Variants in GPSM1 observed in about 807,000 individuals in gnomAD.
GPSM1 encodes G protein-signaling modulator 1.
Under a neutral mutation model 70.5 loss-of-function variants are expected in GPSM1, and 48 were observed. The ratio of observed to expected loss-of-function variants is 0.68; its 90% CI spans 0.54 to 0.87. GPSM1 has a LOEUF of 0.87. Among genes scored for constraint, GPSM1 ranks in the 40% least tolerant of loss-of-function variants. The pLI is 0.00. For missense variants in GPSM1, 981 were observed against 972.6 expected (o/e 1.01, Z -0.11); for synonymous variants, 416 against 430.1 (o/e 0.97, Z 0.41).
At chr9:136,353,230 G>T in intron 11 of GPSM1, 1 of 431,350 alleles carries the variant, frequency 2.3e-6, no homozygotes, top group Non-Finnish European at 3.1e-6. Flanking sequence ...GCCGGGTGGG[G>T]TGGTCTTGGG....
At chr9:136,338,968 T>C (rs1408539253) in intron 7 of GPSM1, among the ~76,000 whole-genome samples, 2 of 152,158 alleles carry the variant, frequency 1.3e-5, no homozygotes, top group African/African-American at 4.8e-5. Context: ...CATGTATGTA[T>C]GTAAATATCA....
At chr9:136,352,193 C>T (rs1554772253) in intron 11 of GPSM1, among the ~76,000 whole-genome samples, 1 of 74,762 alleles carries the variant, frequency 1.3e-5, no homozygotes, top group African/African-American at 5.6e-5. Flanking sequence ...CTGTTGGTGA[C>T]ACCGATGCTG....
intron 11 of GPSM1, 141 bp downstream of exon 11, chr9:136,349,904 C>G (rs1231694653): frequency 1.2e-5 from 9 of 756,404 alleles, no homozygotes; most frequent in Non-Finnish European, 1.9e-5. Flanking sequence ...GCACCTGGTG[C>G]AGTGCTGTCC....
intron 6 of GPSM1, among the ~76,000 whole-genome samples, 184 bp from the exon 7 acceptor site, chr9:136,338,371 G>A (rs906574395): frequency 3.3e-5 from 5 of 152,262 alleles, no homozygotes; most frequent in Admixed American, 2.0e-4. Flanking sequence ...AGGACCCCCC[G>A]TCCCCCTGGG....
At position 136,341,229 on chromosome 9, in the gene GPSM1, G is replaced by A; in HGVS notation, c.1207+236G>A. The A allele has an allele frequency of 2.6e-6, 4 of 1,517,820 alleles. No homozygotes were observed. Among genetic ancestry groups the A allele is most frequent in the Non-Finnish European group, 3.5e-6 (4 of 1,129,570 alleles). 94.0% of individuals were successfully genotyped at this position (1,517,820 alleles called of 1,614,324 possible). ...CAGGGCTGCTGGATGAAGGACAGGA[G>A]GTGGTCGCCTGTTGCCCCACTGGCT... On this transcript the variant is annotated intron_variant, in intron 9 of 13. Coordinates refer to ENST00000440944, the MANE Select transcript of GPSM1 (RefSeq NM_001145638.3). The surrounding 1 kb of genome is among the most constrained non-coding windows in gnomAD (Gnocchi z 6.7).
rs569509060 is a variant in GPSM1, at chr9:136,329,069, A to T, written c.68+1306A>T. Among the ~76,000 whole-genome samples the T allele has an allele frequency of 2.1e-4, 32 of 152,230 alleles. No homozygotes were observed. The South Asian group carries it at 6.2e-3, about 30-fold the overall frequency. On this transcript the variant is annotated intron_variant, in intron 1 of 13. Transcript: ENST00000440944. ...GTGAGGCCTGCACAGCTGACCATAG[A>T]GTTGGGCATTCTCCAGGCTACAGCT...
At position 136,349,719 on chromosome 9, in the gene GPSM1, T is replaced by C. The variant is rs781887704; in HGVS notation, c.1411T>C (p.Ser471Pro). The C allele has an allele frequency of 2.5e-6, 4 of 1,576,218 alleles. No homozygotes were observed. In the East Asian group the frequency reaches 9.2e-5, roughly 36 times the overall value. The change falls in exon 11 of 14, where the codon TCC (serine) becomes CCC (proline). Residue 471 changes from serine to proline, a missense_variant. Transcript: ENST00000440944. ...GAGGAGGCCCCGGGAGGGCAGCCACTCCCCGCTGGACAGCGCCGACGTCCG... is the reference window on the plus strand; with the variant it reads ...GAGGAGGCCCCGGGAGGGCAGCCACCCCCCGCTGGACAGCGCCGACGTCCG... ...AERRPREGSHSPLDSADVRVH... is the reference protein window; with the variant it reads ...AERRPREGSHPPLDSADVRVH...
At chr9:136,332,311 G>A (rs1370343082) in intron 1 of GPSM1, 4 of 397,502 alleles carry the variant, frequency 1.0e-5, no homozygotes, top group Non-Finnish European at 1.3e-5. Flanking sequence ...CCAGATTGGA[G>A]GTGCAGAATG....
rs527873669 is a variant in GPSM1 at position 136,334,780 on chromosome 9, G to A, written c.290+112G>A. 19 of 842,440 alleles carry A rather than the reference G, an allele frequency of 2.3e-5. No homozygotes were observed. In the African/African-American group the frequency reaches 3.3e-4, roughly 15 times the overall value. The allele number at this position is 842,440 out of a possible 1,614,324, so 52.2% of individuals were successfully genotyped here. On this transcript the variant is annotated intron_variant, in intron 2 of 13. Coordinates refer to ENST00000440944, the MANE Select transcript of GPSM1 (RefSeq NM_001145638.3). ...GGCGGCCCTGCTGGCGCGGTGAGTG[G>A]GGACAGCCCTGCTGGTGGGTGAGTG...
rs568796176 is a variant in GPSM1, at chr9:136,332,238, G to A, written c.69-2209G>A. The A allele has an allele frequency of 5.3e-4, 213 of 398,704 alleles. 1 individual carries two copies. The highest frequency in any genetic ancestry group is 4.0e-3 in the African/African-American group (197 of 48,756). 24.7% of individuals were successfully genotyped at this position (398,704 alleles called of 1,614,324 possible). The stretch of plus-strand genomic sequence containing the variant: ...CCAGGGCGTGGTTGGAGGCTGTCTT[G>A]GGATGAGTGGAGGGGACACCCACCT... On this transcript the variant is annotated intron_variant, in intron 1 of 13. Coordinates refer to ENST00000440944, the MANE Select transcript of GPSM1 (RefSeq NM_001145638.3).
In GPSM1 at chr9:136,350,870, G is replaced by T. The variant is rs528515102; in HGVS notation, c.1455+1107G>T. On this transcript the variant is annotated intron_variant, in intron 11 of 13. Coordinates refer to ENST00000440944, the MANE Select transcript of GPSM1 (RefSeq NM_001145638.3). ...CAAGTGTATGGGTGGACGGACGGGG[G>T]ACAGACAGACTGGTGGTCAGACTCG... 4.6e-5 allele frequency among the ~76,000 whole-genome samples: 7 copies of T among 152,256 alleles called. No individual in the cohort carries two copies. In the East Asian group the frequency reaches 1.4e-3, roughly 30 times the overall value.
chr9:136,355,829 C>G lies in GPSM1; in HGVS notation c.1595C>G (p.Thr532Ser), dbSNP rs139070555. 8 of 1,609,910 alleles carry G rather than the reference C, an allele frequency of 5.0e-6. No homozygotes were observed. In the South Asian group the frequency reaches 8.8e-5, roughly 18 times the overall value. Residue 532 changes from threonine (T) to serine (S), a missense_variant, in exon 12 of 14, where the codon ACC becomes AGC. Transcript: ENST00000440944. ...GCTGCCGAGGCCACGGCCGCCCCCACCCTGGAGGACAGGATCGGTGAGTGC... is the reference window on the plus strand; with the variant it reads ...GCTGCCGAGGCCACGGCCGCCCCCAGCCTGGAGGACAGGATCGGTGAGTGC... ...AGAAEATAAP[T>S]LEDRIAQPSM...
In GPSM1 at chr9:136,342,819, C is replaced by T. The variant is rs910776310; in HGVS notation, c.1207+1826C>T. ...TGGCCGTGCGGAGGGGGCGCCAGGG[C>T]TGGGGGCACAGGAGGGCGCTGCCCA... is the stretch of plus-strand genomic sequence containing the variant. On this transcript the variant is annotated intron_variant, in intron 9 of 13. Coordinates refer to ENST00000440944, the MANE Select transcript of GPSM1 (RefSeq NM_001145638.3). This position sits in a 1 kb window ranked among gnomAD's most constrained non-coding sequence, Gnocchi z 5.5. Among the ~76,000 whole-genome samples the T allele has an allele frequency of 3.3e-5, 5 of 151,980 alleles. No homozygotes were observed. The highest frequency in any genetic ancestry group is 6.5e-5 in the Admixed American group (1 of 15,274).
At position 136,337,499 on chromosome 9, in the gene GPSM1, G is replaced by A. The variant is rs781794818; in HGVS notation, c.637G>A (p.Gly213Ser). 28 of 1,562,002 alleles carry A rather than the reference G, an allele frequency of 1.8e-5. No individual in the cohort carries two copies. Among genetic ancestry groups the A allele is most frequent in the African/African-American group, 6.8e-5 (5 of 74,070 alleles). The change falls in exon 5 of 14, where the codon GGC becomes AGC. Residue 213 changes from glycine to serine, a missense_variant. Transcript: ENST00000440944. ...GDRAAQGRAYGNLGNTHYLLG... is the reference protein window; with the variant it reads ...GDRAAQGRAYSNLGNTHYLLG... ...CCGTGCGGCGCAGGGCAGGGCCTAC[G>A]GCAACCTGGGCAACACCCACTATTT...
chr9:136,356,170 G>A (rs1247749485), intron 12 of GPSM1, among the ~76,000 whole-genome samples, 172 bp from the exon 13 acceptor site: 1 of 152,070 alleles, frequency 6.6e-6, no homozygotes, highest in Non-Finnish European at 1.5e-5. Flanking sequence ...ACAGCAGGGG[G>A]AGCAGCTGAG....
Position 136,327,662 on chromosome 9 carries a change from G to T in GPSM1, c.-34G>T, listed in dbSNP as rs1430386135. 4 of 859,448 alleles carry T rather than the reference G, an allele frequency of 4.7e-6. No homozygotes were observed. Among genetic ancestry groups the T allele is most frequent in the Non-Finnish European group, 5.8e-6 (4 of 694,122 alleles). 53.2% of individuals were successfully genotyped at this position (859,448 alleles called of 1,614,324 possible). On this transcript the variant is annotated 5_prime_UTR_variant, in exon 1 of 14. Transcript: ENST00000440944. ...GGGGCGGACGGCCACGGCGCGGGGG[G>T]CGCTCCCGGCTCCCGCTCCCGCGTC...
At chr9:136,349,893 T>A in intron 11 of GPSM1, 130 bp downstream of exon 11, 1 of 808,128 alleles carries the variant, frequency 1.2e-6, no homozygotes, top group Non-Finnish European at 1.9e-6. Context: ...CCCTCCCCGG[T>A]GCACCTGGTG....
chr9:136,337,045 C>G lies in GPSM1; in HGVS notation c.551C>G (p.Thr184Ser). ...PGHLPPDVRE[T>S]LCKASEFYER... The stretch of plus-strand genomic sequence containing the variant: ...CACCTGCCGCCCGATGTCCGAGAGA[C>G]CCTGTGCAAGGCCTCCGAGTTCTAC... Residue 184 changes from threonine to serine, a missense_variant, in exon 4 of 14, where the codon ACC becomes AGC. Coordinates refer to ENST00000440944, the MANE Select transcript of GPSM1 (RefSeq NM_001145638.3). 1 of 1,551,832 alleles carries G rather than the reference C, an allele frequency of 6.4e-7. No homozygotes were observed. Among genetic ancestry groups the G allele is most frequent in the Admixed American group, 2.0e-5 (1 of 51,116 alleles).
At position 136,350,850 on chromosome 9, in the gene GPSM1, G is replaced by A. The variant is rs531123733; in HGVS notation, c.1455+1087G>A. Among the ~76,000 whole-genome samples, 9 of 152,332 alleles carry A rather than the reference G, an allele frequency of 5.9e-5. No individual in the cohort carries two copies. In the South Asian group the frequency reaches 1.7e-3, roughly 28 times the overall value. Reference sequence around the variant, plus strand: ...GGGGCAGTTGCAGTGACTGCCAAGTGTATGGGTGGACGGACGGGGGACAGA... The same window carrying A: ...GGGGCAGTTGCAGTGACTGCCAAGTATATGGGTGGACGGACGGGGGACAGA... On this transcript the variant is annotated intron_variant, in intron 11 of 13. Coordinates refer to ENST00000440944, the MANE Select transcript of GPSM1 (RefSeq NM_001145638.3).
Sources: gnomAD v4.1 joint callset for allele counts (sites outside exome capture counted in the v4.1 genomes callset) on GRCh38, gnomAD v4.1.1 for gene constraint, Gnocchi (gnomAD v3.1) non-coding constraint, MANE v1.5 for transcripts, NCBI Gene and HGNC (gene_info 2026-07-23, HGNC 2026-07-21) for gene names.